CDH23: variants seen among roughly 807,000 people sequenced by gnomAD.
The protein encoded by CDH23 is cadherin-23.
In CDH23, 189 loss-of-function variants were observed where a neutral mutation model predicts 317.1. The observed-to-expected ratio is 0.60, with a 90% CI of 0.53 to 0.67. The LOEUF is 0.67. Ranked by LOEUF, CDH23 falls within the 30% of genes least tolerant of loss-of-function variation. CDH23 has a pLI of 0.00. For missense variants in CDH23, 4,401 were observed against 4,592.4 expected, an observed-to-expected ratio of 0.96 and a Z score of 1.20; for synonymous variants, 1,839 against 1,876.8, an observed-to-expected ratio of 0.98 and a Z score of 0.52.
chr10:71,498,413 G>A (rs777675770), intron 3 of CDH23, among the ~76,000 whole-genome samples: 1 of 152,182 alleles, frequency 6.6e-6, no homozygotes, highest in East Asian at 1.9e-4. Context: ...CCTACAGTTT[G>A]CAAACAGCTG....
intron 11 of CDH23, among the ~76,000 whole-genome samples, chr10:71,621,429 G>T (rs565237132): frequency 1.3e-5 from 2 of 152,300 alleles, no homozygotes; most frequent in East Asian, 3.9e-4. Flanking sequence ...GCACGGGGGT[G>T]GGGCATGCTT....
At chr10:71,678,313 G>T (rs1864459908) in intron 16 of CDH23, among the ~76,000 whole-genome samples, 1 of 152,102 alleles carries the variant, frequency 6.6e-6, no homozygotes, top group African/African-American at 2.4e-5. Flanking sequence ...TACAGAAGGG[G>T]AACCCAGAGG....
At chr10:71,791,760 G>A (rs966572696) in intron 47 of CDH23, among the ~76,000 whole-genome samples, 22 of 151,862 alleles carry the variant, frequency 1.4e-4, no homozygotes, top group African/African-American at 5.1e-4. Flanking sequence ...ATTTTTAGTA[G>A]AGACGGGGTT....
chr10:71,752,333 T>C (rs1342288140), intron 38 of CDH23, among the ~76,000 whole-genome samples: 1 of 152,214 alleles, frequency 6.6e-6, no homozygotes, highest in African/African-American at 2.4e-5. Context: ...AGATTCTAGA[T>C]GAGTTGCAAG....
chr10:71,633,761 C>A (rs1862129263), intron 11 of CDH23, among the ~76,000 whole-genome samples: 1 of 152,122 alleles, frequency 6.6e-6, no homozygotes, highest in Admixed American at 6.5e-5. Flanking sequence ...GAAAGGCAAC[C>A]CAGAGAGGGC....
At chr10:71,727,215 T>C (rs1329707630) in intron 30 of CDH23, among the ~76,000 whole-genome samples, 1 of 152,234 alleles carries the variant, frequency 6.6e-6, no homozygotes, top group Non-Finnish European at 1.5e-5. Flanking sequence ...TTAGCCGACT[T>C]GTTCAGGGTC....
intron 14 of CDH23, among the ~76,000 whole-genome samples, chr10:71,651,948 G>T (rs556406509): frequency 6.6e-6 from 1 of 152,212 alleles, no homozygotes; most frequent in Non-Finnish European, 1.5e-5. Flanking sequence ...GCTGAGGAAG[G>T]GTGGCAGCCC....
At chr10:71,777,999 G>C in intron 39 of CDH23, 98 bp downstream of exon 39, 1 of 1,471,194 alleles carries the variant, frequency 6.8e-7, no homozygotes, top group Admixed American at 1.9e-5. Flanking sequence ...CAAAGATGCA[G>C]TCTAGGGGAA....
intron 1 of CDH23, among the ~76,000 whole-genome samples, chr10:71,416,521 T>C (rs10740376): frequency 0.3 from 46,088 of 152,088 alleles, 7,167 homozygotes; most frequent in Middle Eastern, 0.45. Context: ...TGCTTACATA[T>C]TTACCCTGAT....
intron 6 of CDH23, among the ~76,000 whole-genome samples, chr10:71,560,173 T>G (rs1017674270): frequency 2.6e-5 from 4 of 152,170 alleles, no homozygotes; most frequent in South Asian, 2.1e-4. Flanking sequence ...AGCATCCCAG[T>G]AGGAGAGGCG....
At chr10:71,654,351 C>T (rs1008846980) in intron 14 of CDH23, among the ~76,000 whole-genome samples, 19 of 152,234 alleles carry the variant, frequency 1.2e-4, no homozygotes, top group African/African-American at 4.6e-4. Flanking sequence ...CCCAAATAAA[C>T]TCAGTGGCTC....
At chr10:71,439,802 C>T (rs999140050) in intron 1 of CDH23, 25 bp from the exon 2 acceptor site, 2 of 1,543,464 alleles carry the variant, frequency 1.3e-6, no homozygotes, top group African/African-American at 2.8e-5. Flanking sequence ...GCTTCTCACC[C>T]TCTTCTCTTT....
intron 22 of CDH23, among the ~76,000 whole-genome samples, chr10:71,701,119 G>A (rs1200683850): frequency 5.3e-5 from 8 of 152,206 alleles, no homozygotes; most frequent in African/African-American, 1.7e-4. Context: ...GGGTGAGCGA[G>A]GGGTAAGGGG....
In CDH23 at chr10:71,800,695, T is replaced by C. The variant is rs1237015254; in HGVS notation, c.7422T>C (p.Thr2474=). 6.2e-7 allele frequency: 1 copy of C among 1,614,018 alleles called. No homozygotes were observed. Among genetic ancestry groups the C allele is most frequent in the East Asian group, 2.2e-5 (1 of 44,880 alleles). ...AGAAGAAGGACCACTATATCCTGACTGCCTTGGCCAAAGACAACCCTGGGG... is the reference window on the plus strand; with the variant it reads ...AGAAGAAGGACCACTATATCCTGACCGCCTTGGCCAAAGACAACCCTGGGG... ...DREKKDHYIL[T]ALAKDNPGDV... Residue 2474 remains threonine, a synonymous_variant, in exon 53 of 70, where the codon ACT becomes ACC. Coordinates refer to ENST00000224721, the MANE Select transcript of CDH23 (RefSeq NM_022124.6).
intron 6 of CDH23, among the ~76,000 whole-genome samples, chr10:71,549,489 A>G (rs875861): frequency 0.24 from 36,383 of 152,142 alleles, 4,514 homozygotes; most frequent in East Asian, 0.38. Flanking sequence ...ACTGGGCTCT[A>G]TTTTAAAGTC....
At chr10:71,745,480 T>G (rs1013958331) in intron 38 of CDH23, among the ~76,000 whole-genome samples, 5 of 152,106 alleles carry the variant, frequency 3.3e-5, no homozygotes, top group African/African-American at 1.2e-4. Flanking sequence ...GGACTCGCCA[T>G]AAGAGCTGCT....
intron 6 of CDH23, among the ~76,000 whole-genome samples, chr10:71,552,117 A>G (rs930235860): frequency 6.6e-6 from 1 of 152,094 alleles, no homozygotes; most frequent in African/African-American, 2.4e-5. Flanking sequence ...TCTCAGAATC[A>G]TTACTGCTAG....
chr10:71,805,675 G>A lies in CDH23; in HGVS notation c.7873-131G>A, dbSNP rs371005432. 8.8e-5 allele frequency: 77 copies of A among 875,352 alleles called. 1 individual carries two copies. The highest frequency in any genetic ancestry group is 5.3e-4 in the East Asian group (20 of 37,456). 54.2% of individuals were successfully genotyped at this position (875,352 alleles called of 1,614,324 possible). On this transcript the variant is annotated intron_variant, in intron 55 of 69. Coordinates refer to ENST00000224721, the MANE Select transcript of CDH23 (RefSeq NM_022124.6). ...GGAGAATCCAGCCGAGCAGGCAGGC[G>A]CTCCTGGCGGGTGCTGTAAGCTGTT...
chr10:71,501,211 C>T (rs1853312663), intron 3 of CDH23, among the ~76,000 whole-genome samples: 1 of 152,174 alleles, frequency 6.6e-6, no homozygotes, highest in African/African-American at 2.4e-5. Context: ...ATGCTAACCC[C>T]TCTGTGTAAG....
Sources: allele counts gnomAD v4.1 joint callset (sites outside exome capture counted in the v4.1 genomes callset), GRCh38; gene constraint gnomAD v4.1.1; transcripts MANE v1.5; gene names NCBI Gene and HGNC (gene_info 2026-07-23, HGNC 2026-07-21).